Variants in CDH13 observed in about 807,000 individuals in gnomAD.
CDH13 encodes cadherin-13.
A neutral mutation model predicts 63.8 loss-of-function variants in CDH13; 24 were observed. That is an observed-to-expected ratio of 0.38 (90% CI 0.27 to 0.53). The LOEUF (loss-of-function observed/expected upper bound fraction) is 0.53. CDH13 is among the 20% of genes least tolerant of loss of function. CDH13 has a pLI of 0.85. For missense variants in CDH13, 1,049 were observed against 903.1 expected (o/e 1.16, Z -2.07); for synonymous variants, 503 against 355.3 (o/e 1.42, Z -4.67).
At chr16:82,970,010 C>T (rs1337269902) in intron 2 of CDH13, among the ~76,000 whole-genome samples, 1 of 151,790 alleles carries the variant, frequency 6.6e-6, no homozygotes, top group East Asian at 1.9e-4. Flanking sequence ...CGTAGGTATA[C>T]ACGTGCTATG....
At chr16:83,046,856 C>G (rs1917834243) in intron 3 of CDH13, among the ~76,000 whole-genome samples, 1 of 152,166 alleles carries the variant, frequency 6.6e-6, no homozygotes, top group Admixed American at 6.5e-5. Context: ...ATTGTGAAAT[C>G]CTTCCTGCTG....
intron 1 of CDH13, among the ~76,000 whole-genome samples, chr16:82,694,064 A>C (rs1288430383): frequency 1.3e-5 from 2 of 152,224 alleles, no homozygotes; most frequent in Non-Finnish European, 2.9e-5. Flanking sequence ...CATATACTTA[A>C]ACACTATGAT....
intron 5 of CDH13, among the ~76,000 whole-genome samples, chr16:83,295,773 A>G (rs1330603412): frequency 6.6e-6 from 1 of 152,186 alleles, no homozygotes; most frequent in Admixed American, 6.5e-5. Context: ...TTCCTCAAAA[A>G]TTTAAAAGTA....
intron 1 of CDH13, among the ~76,000 whole-genome samples, chr16:82,742,054 ATAAAATCATGGT>A (rs1314844689): frequency 7.9e-5 from 12 of 152,222 alleles, no homozygotes; most frequent in African/African-American, 2.9e-4. Flanking sequence ...GCCCGGTTAT[ATAAAATCATGGT>A]GTAGATATAA....
chr16:83,455,105 G>C (rs72806401), intron 6 of CDH13, among the ~76,000 whole-genome samples: 5 of 152,098 alleles, frequency 3.3e-5, no homozygotes, highest in Non-Finnish European at 5.9e-5. Flanking sequence ...AGTGAAAATT[G>C]ATGCTCAGAG....
intron 3 of CDH13, among the ~76,000 whole-genome samples, chr16:83,042,741 T>C (rs1275140512): frequency 6.6e-6 from 1 of 152,194 alleles, no homozygotes; most frequent in Non-Finnish European, 1.5e-5. Flanking sequence ...AATTACCTTG[T>C]CTCTAAACCG....
chr16:83,627,239 G>C (rs947595830), intron 8 of CDH13, among the ~76,000 whole-genome samples: 1 of 152,034 alleles, frequency 6.6e-6, no homozygotes, highest in East Asian at 1.9e-4. Flanking sequence ...GCAGTGAGCC[G>C]AGATTGTGCG....
intron 6 of CDH13, among the ~76,000 whole-genome samples, chr16:83,443,916 CAG>C (rs1273555958): frequency 1.4e-5 from 2 of 142,868 alleles, no homozygotes; most frequent in Non-Finnish European, 3.0e-5. Flanking sequence ...GCCTGGGCAA[CAG>C]AGGAAACCGT....
intron 5 of CDH13, among the ~76,000 whole-genome samples, chr16:83,332,586 GT>G (rs1473192578): frequency 1.3e-5 from 2 of 152,114 alleles, no homozygotes; most frequent in Non-Finnish European, 2.9e-5. Flanking sequence ...GTTTTCTAAA[GT>G]ATTATATTTC....
intron 3 of CDH13, among the ~76,000 whole-genome samples, chr16:83,099,539 G>T (rs1452499873): frequency 6.7e-6 from 1 of 148,524 alleles, no homozygotes; most frequent in Admixed American, 6.9e-5. Context: ...GGCCAGGCTG[G>T]TCTCGAAGTC....
intron 11 of CDH13, among the ~76,000 whole-genome samples, chr16:83,752,654 C>G (rs147605927): frequency 3.9e-5 from 6 of 152,294 alleles, no homozygotes; most frequent in African/African-American, 1.2e-4. Context: ...TCTATGTTTT[C>G]TCAACATTCA....
intron 1 of CDH13, among the ~76,000 whole-genome samples, chr16:82,769,758 C>T (rs1026642034): frequency 1.3e-5 from 2 of 152,164 alleles, no homozygotes; most frequent in African/African-American, 2.4e-5. Flanking sequence ...CAATGTGTTT[C>T]CATTGACCTG....
chr16:83,237,417 C>G (rs1452770482), intron 5 of CDH13, among the ~76,000 whole-genome samples: 1 of 152,228 alleles, frequency 6.6e-6, no homozygotes, highest in Non-Finnish European at 1.5e-5. Context: ...TAGACCAACA[C>G]TGTGTAATAG....
At chr16:83,611,860 C>T (rs1323437791) in intron 8 of CDH13, among the ~76,000 whole-genome samples, 2 of 151,970 alleles carry the variant, frequency 1.3e-5, no homozygotes, top group African/African-American at 4.8e-5. Context: ...TATCTTAATT[C>T]TACAGTGGTT....
intron 5 of CDH13, among the ~76,000 whole-genome samples, chr16:83,316,476 T>G (rs920761688): frequency 6.6e-6 from 1 of 152,148 alleles, no homozygotes; most frequent in African/African-American, 2.4e-5. Context: ...GAGCTGGAGA[T>G]CAGCATGGTG....
intron 7 of CDH13, among the ~76,000 whole-genome samples, chr16:83,492,719 GGC>G (rs2074043118): frequency 6.6e-6 from 1 of 152,184 alleles, no homozygotes; most frequent in African/African-American, 2.4e-5. Context: ...CATGAGTGCA[GGC>G]CTCCTGCTGA....
At position 83,659,785 on chromosome 16, in the gene CDH13, C is replaced by CTTTT. The variant is rs35285231; in HGVS notation, c.1102-10989_1102-10986dup. The stretch of plus-strand genomic sequence containing the variant: ...ATGAGTTAGAGCAGCAGTCCACAAC[C>CTTTT]TTTTTTTTTTTTTTTTTTTGAGATG... On this transcript the variant is annotated intron_variant, in intron 8 of 13. Transcript: ENST00000567109. Among the ~76,000 whole-genome samples the CTTTT allele has an allele frequency of 3.5e-4, 43 of 122,920 alleles. No homozygotes were observed. The East Asian group carries it at 8.8e-3, about 25-fold the overall frequency. 80.6% of individuals were successfully genotyped at this position (122,920 alleles called of 152,430 possible). A position where few individuals can be genotyped will look rare whatever the true frequency, so the allele number is the denominator to read the frequency against.
chr16:83,261,867 G>A (rs1381187498), intron 5 of CDH13, among the ~76,000 whole-genome samples: 2 of 152,090 alleles, frequency 1.3e-5, no homozygotes, highest in Non-Finnish European at 2.9e-5. Context: ...AAGGAACAGA[G>A]GCAGTGGGAG....
At chr16:83,304,688 C>T (rs536660757) in intron 5 of CDH13, among the ~76,000 whole-genome samples, 68 of 152,176 alleles carry the variant, frequency 4.5e-4, no homozygotes, top group African/African-American at 1.6e-3. Context: ...TTGTGTTGTA[C>T]GAGAGAGTGT....
Sources: allele counts gnomAD v4.1 joint callset (sites outside exome capture counted in the v4.1 genomes callset), GRCh38; gene constraint gnomAD v4.1.1; transcripts MANE v1.5; gene names NCBI Gene and HGNC (gene_info 2026-07-23, HGNC 2026-07-21).